ABCG8: variants seen among roughly 807,000 people sequenced by gnomAD.
ABCG8 encodes ATP binding cassette subfamily G member 8.
Under a neutral mutation model 71.3 loss-of-function variants are expected in ABCG8, and 81 were observed. That is an observed-to-expected ratio of 1.14 (90% CI 0.95 to 1.37). The LOEUF (loss-of-function observed/expected upper bound fraction) is 1.37. Ranked by LOEUF, ABCG8 falls within the 40% of genes most tolerant of loss-of-function variation. The pLI is 0.00. For synonymous variants in ABCG8, 451 were observed against 354.7 expected (o/e 1.27, Z -3.05); for missense variants, 1,119 against 866.2 (o/e 1.29, Z -3.66).
chr2:43,841,196 G>T (rs1462466242), intron 1 of ABCG8, among the ~76,000 whole-genome samples: 1 of 152,218 alleles, frequency 6.6e-6, no homozygotes, highest in Non-Finnish European at 1.5e-5. Context: ...CGGGGCATAG[G>T]CTCCTCATCT....
chr2:43,849,199 T>C (rs1290909340), intron 3 of ABCG8, among the ~76,000 whole-genome samples: 3 of 152,196 alleles, frequency 2.0e-5, no homozygotes, highest in African/African-American at 2.4e-5. Context: ...TCTTAGTTCA[T>C]GGAAGGTGTA....
At chr2:43,876,424 G>T (rs1669960277) in intron 11 of ABCG8, among the ~76,000 whole-genome samples, 1 of 152,156 alleles carries the variant, frequency 6.6e-6, no homozygotes, top group South Asian at 2.1e-4. Flanking sequence ...GGAATATGGG[G>T]AGACTGAATA....
intron 3 of ABCG8, among the ~76,000 whole-genome samples, chr2:43,849,721 C>T (rs762918918): frequency 6.6e-6 from 1 of 152,072 alleles, no homozygotes; most frequent in Non-Finnish European, 1.5e-5. Context: ...CCTCTGTGTC[C>T]CTGGAGCCTG....
intron 3 of ABCG8, chr2:43,848,443 A>G (rs1361650837): frequency 6.6e-6 from 1 of 152,164 alleles, no homozygotes; most frequent in Non-Finnish European, 1.5e-5. Context: ...GCTGAGACTC[A>G]GCAACTTGTC....
At chr2:43,846,918 G>C (rs1668759553) in intron 3 of ABCG8, 2 of 175,118 alleles carry the variant, frequency 1.1e-5, no homozygotes, top group Non-Finnish European at 2.5e-5. Flanking sequence ...CAGTTTGGAA[G>C]CATTTTCAGA....
In ABCG8 at chr2:43,873,643, T is replaced by C. The variant is rs1028877577; in HGVS notation, c.1212-144T>C. 3.9e-6 allele frequency: 3 copies of C among 766,738 alleles called. No individual in the cohort carries two copies. The African/African-American group carries it at 5.2e-5, about 13-fold the overall frequency. The allele number at this position is 766,738 out of a possible 1,614,324, so 47.5% of individuals were successfully genotyped here. On this transcript the variant is annotated intron_variant, in intron 8 of 12. Transcript: ENST00000272286. Reference sequence around the variant, plus strand: ...TGCTGTCATCAGTTTTCTGATTTAATCCTCAGAGCCACTCTATGAGGCAGG... The same window carrying C: ...TGCTGTCATCAGTTTTCTGATTTAACCCTCAGAGCCACTCTATGAGGCAGG...
rs1670145236 is a variant in ABCG8 at position 43,882,035 on chromosome 2, C to G, written c.*4122C>G. On this transcript the variant is annotated 3_prime_UTR_variant, in exon 13 of 13. Transcript: ENST00000272286. ...GACCTGAGGGTGTAGTTTGCAGAGC[C>G]TTGGTAAAGGTTTTCAAATTTGCAT... 1 of 152,114 alleles carries G rather than the reference C, an allele frequency of 6.6e-6. No individual in the cohort carries two copies. Among genetic ancestry groups the G allele is most frequent in the Admixed American group, 6.6e-5 (1 of 15,260 alleles). The allele number at this position is 152,114 out of a possible 1,614,324, so 9.4% of individuals were successfully genotyped here.
intron 1 of ABCG8, among the ~76,000 whole-genome samples, chr2:43,843,162 T>C (rs776718591): frequency 4.1e-4 from 62 of 152,338 alleles, no homozygotes; most frequent in Non-Finnish European, 7.2e-4. Context: ...TCCATCGTAA[T>C]CACCTGTCTC....
rs756302481 is a variant in ABCG8 at position 43,875,404 on chromosome 2, C to T, written c.1747C>T (p.Leu583=). The T allele has an allele frequency of 5.0e-6, 8 of 1,613,982 alleles. No homozygotes were observed. Among genetic ancestry groups the T allele is most frequent in the Non-Finnish European group, 6.8e-6 (8 of 1,179,984 alleles). The change falls in exon 11 of 13, where the codon CTG becomes TTG. Residue 583 remains leucine (L), a synonymous_variant. Coordinates refer to ENST00000272286, the MANE Select transcript of ABCG8 (RefSeq NM_022437.3). ...AGGFMINLSS[L]WTVPAWISKV... The stretch of plus-strand genomic sequence containing the variant: ...GGGCTTCATGATAAACTTGAGCAGC[C>T]TGTGGACAGGTAAGGCCTGCCCCCG...
intron 3 of ABCG8, among the ~76,000 whole-genome samples, chr2:43,851,230 C>T (rs1307319613): frequency 1.3e-5 from 2 of 152,160 alleles, no homozygotes; most frequent in East Asian, 1.9e-4. Flanking sequence ...GAGAAAGGGC[C>T]TTGGTGGGTG....
chr2:43,861,329 T>C (rs1669309574), intron 6 of ABCG8, among the ~76,000 whole-genome samples: 1 of 151,354 alleles, frequency 6.6e-6, no homozygotes, highest in Non-Finnish European at 1.5e-5. Context: ...TCACTATCTA[T>C]CTGGATAGAA....
At chr2:43,851,207 A>G (rs1668902737) in intron 3 of ABCG8, among the ~76,000 whole-genome samples, 1 of 152,232 alleles carries the variant, frequency 6.6e-6, no homozygotes, top group Non-Finnish European at 1.5e-5. Context: ...TGTTAACACC[A>G]GCCTGCCTTG....
At position 43,846,236 on chromosome 2, in the gene ABCG8, T is replaced by G; in HGVS notation, c.247T>G (p.Ser83Ala). 1 of 1,614,146 alleles carries G rather than the reference T, an allele frequency of 6.2e-7. No individual in the cohort carries two copies. The highest frequency in any genetic ancestry group is 8.5e-7 in the Non-Finnish European group (1 of 1,180,024). The change falls in exon 3 of 13, where the codon TCT becomes GCT. Residue 83 changes from serine (S) to alanine (A), a missense_variant. Transcript: ENST00000272286. ...MPWTSPSCQN[S>A]CELGIQNLSF... ...CTGGACATCTCCCAGCTGCCAGAAT[T>G]CTTGTGAGCTGGGCATCCAGAACCT...
intron 3 of ABCG8, chr2:43,848,457 G>A (rs768645409): frequency 6.6e-6 from 1 of 152,160 alleles, no homozygotes; most frequent in Non-Finnish European, 1.5e-5. Flanking sequence ...ACTTGTCTCA[G>A]CCAGTCTCTG....
chr2:43,866,730 A>G (rs963911916), intron 6 of ABCG8, among the ~76,000 whole-genome samples: 4 of 151,588 alleles, frequency 2.6e-5, no homozygotes, highest in African/African-American at 9.7e-5. Flanking sequence ...AAATAGGAAC[A>G]CTTTTACACT....
intron 6 of ABCG8, among the ~76,000 whole-genome samples, chr2:43,864,478 A>T (rs911137765): frequency 1.3e-5 from 2 of 149,750 alleles, no homozygotes; most frequent in South Asian, 4.3e-4. Context: ...ATAGAACTCT[A>T]TCTATCTAGA....
intron 1 of ABCG8, among the ~76,000 whole-genome samples, chr2:43,844,172 T>A (rs1018068931): frequency 1.2e-4 from 19 of 152,106 alleles, no homozygotes; most frequent in Non-Finnish European, 5.9e-5. Context: ...GCACAGAGGT[T>A]TTTTTATAGA....
intron 4 of ABCG8, 40 bp from the exon 5 acceptor site, chr2:43,852,314 A>T (rs376105087): frequency 5.0e-6 from 8 of 1,611,592 alleles, no homozygotes; most frequent in Non-Finnish European, 6.8e-6. Flanking sequence ...GCCCTGAAGG[A>T]GGCCCCTGAG....
rs1318444252 is a variant in ABCG8, at chr2:43,851,803, A to G, written c.542A>G (p.Gln181Arg). The part of the protein sequence containing the change: ...AQMRLPRTFS[Q>R]AQRDKRVEDV... ...ATGCGGCTGCCCAGAACCTTCTCCC[A>G]GGCCCAGCGTGACAAAAGGGTAACT... The change falls in exon 4 of 13, where the codon CAG (glutamine) becomes CGG (arginine). Residue 181 changes from glutamine (Q) to arginine (R), a missense_variant. Physicochemically the swap from Gln to Arg is conservative, Grantham distance 43. Transcript: ENST00000272286. 1.9e-6 allele frequency: 3 copies of G among 1,614,174 alleles called. No homozygotes were observed. Among genetic ancestry groups the G allele is most frequent in the Non-Finnish European group, 2.5e-6 (3 of 1,180,034 alleles).
Sources: gnomAD v4.1 joint callset for allele counts (sites outside exome capture counted in the v4.1 genomes callset) on GRCh38, gnomAD v4.1.1 for gene constraint, MANE v1.5 for transcripts, NCBI Gene and HGNC (gene_info 2026-07-23, HGNC 2026-07-21) for gene names.